Variants in YTHDC2 observed in about 807,000 individuals in gnomAD.
YTHDC2 encodes the protein 3'-5' RNA helicase YTHDC2.
A neutral mutation model predicts 174.9 loss-of-function variants in YTHDC2; 45 were observed. The observed-to-expected ratio is 0.26, with a 90% confidence interval of 0.20 to 0.33. The LOEUF (loss-of-function observed/expected upper bound fraction) is 0.33. Among genes scored for constraint, YTHDC2 ranks in the 10% least tolerant of loss-of-function variants. The pLI is 1.00. For missense variants in YTHDC2, 1,650 were observed against 1,723.7 expected, an observed-to-expected ratio of 0.96 and a Z score of 0.76; for synonymous variants, 657 against 574.5, an observed-to-expected ratio of 1.14 and a Z score of -2.05.
chr5:113,544,935 G>C (rs1183583061), intron 10 of YTHDC2, among the ~76,000 whole-genome samples: 1 of 151,780 alleles, frequency 6.6e-6, no homozygotes, highest in Non-Finnish European at 1.5e-5. Context: ...TATTGTTTTT[G>C]AAATTTTTAG....
chr5:113,545,508 G>C (rs1362522995), intron 10 of YTHDC2, among the ~76,000 whole-genome samples: 1 of 147,772 alleles, frequency 6.8e-6, no homozygotes, highest in Non-Finnish European at 1.5e-5. Flanking sequence ...TCAGCCTCCA[G>C]AGCTTTGGAT....
At chr5:113,522,847 T>C (rs1320498944) in intron 2 of YTHDC2, among the ~76,000 whole-genome samples, 2 of 152,148 alleles carry the variant, frequency 1.3e-5, no homozygotes, top group Non-Finnish European at 2.9e-5. Context: ...AAAGCACAAG[T>C]AGACTCCTTT....
chr5:113,556,854 G>A (rs1776642531), intron 17 of YTHDC2, among the ~76,000 whole-genome samples: 1 of 152,146 alleles, frequency 6.6e-6, no homozygotes, highest in South Asian at 2.1e-4. Flanking sequence ...TTGAAGCATT[G>A]TTTATAATAA....
Position 113,553,298 on chromosome 5 carries a change from A to C in YTHDC2, c.1806A>C (p.Glu602Asp), listed in dbSNP as rs1202360565. The C allele has an allele frequency of 3.1e-6, 5 of 1,612,112 alleles. No homozygotes were observed. The Admixed American group carries it at 6.7e-5, about 22-fold the overall frequency. Residue 602 changes from glutamate to aspartate, a missense_variant, in exon 13 of 30, where the codon GAA becomes GAC. Transcript: ENST00000161863. ...CTTATCATCATAGTTTCGATGATGA[A>C]AAAGTAGACTTGGATTTGATCATGC... ...LKAYHHSFDD[E>D]KVDLDLIMHL...
chr5:113,527,361 T>G (rs552163159), intron 4 of YTHDC2, among the ~76,000 whole-genome samples: 1 of 152,222 alleles, frequency 6.6e-6, no homozygotes, highest in African/African-American at 2.4e-5. Context: ...TCAAAGTACC[T>G]CCTTATGAAG....
At chr5:113,587,462 T>A (rs1338023078) in intron 26 of YTHDC2, among the ~76,000 whole-genome samples, 4 of 123,454 alleles carry the variant, frequency 3.2e-5, no homozygotes, top group Non-Finnish European at 6.4e-5. Context: ...TATTCATATA[T>A]AATATATAAA....
chr5:113,527,979 A>G (rs1194247886), intron 4 of YTHDC2, among the ~76,000 whole-genome samples: 1 of 152,122 alleles, frequency 6.6e-6, no homozygotes, highest in Admixed American at 6.6e-5. Flanking sequence ...TTTATGATTA[A>G]GTGAAATTCC....
At chr5:113,585,642 G>A (rs922292038) in intron 26 of YTHDC2, among the ~76,000 whole-genome samples, 1 of 151,492 alleles carries the variant, frequency 6.6e-6, no homozygotes, top group Non-Finnish European at 1.5e-5. Context: ...TGTCCCTTGA[G>A]TTTTGCCTTT....
intron 7 of YTHDC2, among the ~76,000 whole-genome samples, chr5:113,536,674 C>T (rs1028742976): frequency 3.9e-5 from 6 of 152,072 alleles, no homozygotes; most frequent in Non-Finnish European, 7.4e-5. Flanking sequence ...TATATATATT[C>T]GTTTTTACTT....
In YTHDC2 at chr5:113,589,402, A is replaced by AT. The variant is rs1441251527; in HGVS notation, c.3826-1639_3826-1638insT. Among the ~76,000 whole-genome samples the AT allele has an allele frequency of 5.9e-4, 67 of 114,204 alleles. No homozygotes were observed. The Middle Eastern group carries it at 0.013, about 22-fold the overall frequency. 74.9% of individuals were successfully genotyped at this position (114,204 alleles called of 152,430 possible). On this transcript the variant is annotated intron_variant, in intron 26 of 29. Coordinates refer to ENST00000161863, the MANE Select transcript of YTHDC2 (RefSeq NM_022828.5). ...TTCAAGTCTTTTAAAAATTAAAAAA[A>AT]AAAAAAATATATATATATATATATA...
Position 113,567,794 on chromosome 5 carries a change from C to T in YTHDC2, c.3189C>T (p.Phe1063=), listed in dbSNP as rs368005635. Residue 1063 remains phenylalanine, a synonymous_variant, in exon 23 of 30, where the codon TTC becomes TTT. Transcript: ENST00000161863. ...SAVTPVTILV[F]CGPARLASNA... The stretch of plus-strand genomic sequence containing the variant: ...TGACGCCTGTCACTATATTGGTATT[C>T]TGTGGACCAGCTAGATTGGCAAGTA... The T allele has an allele frequency of 5.6e-5, 89 of 1,599,162 alleles. No individual in the cohort carries two copies. The highest frequency in any genetic ancestry group is 6.0e-6 in the Non-Finnish European group (7 of 1,172,604).
chr5:113,558,440 T>C (rs1776750882), intron 17 of YTHDC2, among the ~76,000 whole-genome samples: 1 of 152,062 alleles, frequency 6.6e-6, no homozygotes, highest in African/African-American at 2.4e-5. Flanking sequence ...GAAATAAAAA[T>C]AAATAGATAA....
chr5:113,563,775 A>T, intron 19 of YTHDC2, 84 bp from the exon 20 acceptor site: 3 of 1,455,938 alleles, frequency 2.1e-6, no homozygotes, highest in Non-Finnish European at 2.8e-6. Flanking sequence ...CTATATTCTT[A>T]TTTCTCATTT....
chr5:113,543,764 C>T (rs970000208), intron 10 of YTHDC2, among the ~76,000 whole-genome samples: 2 of 152,228 alleles, frequency 1.3e-5, no homozygotes, highest in Non-Finnish European at 2.9e-5. Context: ...CCTAGACACA[C>T]TTATCTCCTT....
At chr5:113,578,220 T>C (rs1778187973) in intron 23 of YTHDC2, among the ~76,000 whole-genome samples, 1 of 146,536 alleles carries the variant, frequency 6.8e-6, no homozygotes, top group Admixed American at 6.8e-5. Context: ...AGAGACAGGG[T>C]TTCACTCTGT....
At chr5:113,550,188 T>C (rs1580554220) in intron 12 of YTHDC2, among the ~76,000 whole-genome samples, 1 of 151,410 alleles carries the variant, frequency 6.6e-6, no homozygotes, top group South Asian at 2.1e-4. Flanking sequence ...AGGATGCTGG[T>C]ACAGAGGATT....
chr5:113,534,569 C>T (rs1438616420), intron 6 of YTHDC2, among the ~76,000 whole-genome samples, 162 bp downstream of exon 6: 3 of 151,874 alleles, frequency 2.0e-5, no homozygotes, highest in African/African-American at 4.8e-5. Context: ...CTGTAATGAT[C>T]AATTTATTTT....
At chr5:113,561,314 G>T (rs189958474) in intron 18 of YTHDC2, 129 bp downstream of exon 18, 1 of 582,240 alleles carries the variant, frequency 1.7e-6, no homozygotes, top group Non-Finnish European at 2.8e-6. Context: ...ATATTATGGA[G>T]GGTGGCTATG....
chr5:113,591,391 T>G (rs1778997345), intron 27 of YTHDC2, 147 bp downstream of exon 27: 5 of 786,132 alleles, frequency 6.4e-6, no homozygotes, highest in Non-Finnish European at 1.0e-5. Flanking sequence ...TTGCATCTCT[T>G]TAGAGGATGA....
Sources: gnomAD v4.1 joint callset for allele counts (sites outside exome capture counted in the v4.1 genomes callset) on GRCh38, gnomAD v4.1.1 for gene constraint, MANE v1.5 for transcripts, NCBI Gene and HGNC (gene_info 2026-07-23, HGNC 2026-07-21) for gene names.